MYO18A: variants seen among roughly 807,000 people sequenced by gnomAD.
MYO18A encodes the protein unconventional myosin-XVIIIa.
In MYO18A, 78 loss-of-function variants were observed where a neutral mutation model predicts 235.8. That is an observed-to-expected ratio of 0.33 (90% confidence interval 0.28 to 0.40). MYO18A has a LOEUF of 0.40. Ranked by LOEUF, MYO18A falls within the 10% of genes least tolerant of loss-of-function variation. The pLI, the probability that MYO18A is intolerant of heterozygous loss-of-function variation, is 1.00. For synonymous variants in MYO18A, 977 were observed against 1,077.8 expected (o/e 0.91, Z 1.83); for missense variants, 2,215 against 2,699.3 (o/e 0.82, Z 3.98).
rs1328573073 is a variant in MYO18A, at chr17:29,119,212, G to C, written c.1829+123C>G. The C allele has an allele frequency of 1.6e-5, 11 of 683,740 alleles. No homozygotes were observed. The East Asian group carries it at 3.0e-4, about 19-fold the overall frequency. The allele number at this position is 683,740 out of a possible 1,614,324, so 42.4% of individuals were successfully genotyped here. A position where few individuals can be genotyped will look rare whatever the true frequency, so the allele number is the denominator to read the frequency against. ...TCAGAGCCTAGCACATAGCAGACAT[G>C]CACTGACCAAACAGTGCAGGATGCG... On this transcript the variant is annotated intron_variant, in intron 8 of 41. Coordinates refer to ENST00000527372, the MANE Select transcript of MYO18A (RefSeq NM_078471.4).
intron 15 of MYO18A, among the ~76,000 whole-genome samples, chr17:29,112,377 C>A (rs567689050): frequency 6.6e-6 from 1 of 152,330 alleles, no homozygotes; most frequent in East Asian, 1.9e-4. Context: ...GGGATCACTG[C>A]AGGGTCACTC....
rs759561576 is a variant in MYO18A, at chr17:29,111,613, G to A, written c.2741-30C>T. On this transcript the variant is annotated intron_variant, in intron 16 of 41. Coordinates refer to ENST00000527372, the MANE Select transcript of MYO18A (RefSeq NM_078471.4). This position sits in a 1 kb window ranked among gnomAD's most constrained non-coding sequence, Gnocchi z 5.1. ...TGGTGGGAGAAGCAAGATTTAGGTC[G>A]TCAGGGTACAGGCACAAAGTGACCC... is the stretch of plus-strand genomic sequence containing the variant. 2.9e-5 allele frequency: 46 copies of A among 1,613,352 alleles called. No homozygotes were observed. The highest frequency in any genetic ancestry group is 6.7e-5 in the East Asian group (3 of 44,880).
chr17:29,111,456 C>T lies in MYO18A; in HGVS notation c.2868G>A (p.Gln956=). Residue 956 remains glutamine (Q), a synonymous_variant, in exon 17 of 42, where the codon CAG becomes CAA. Coordinates refer to ENST00000527372, the MANE Select transcript of MYO18A (RefSeq NM_078471.4). This position sits in a 1 kb window ranked among gnomAD's most constrained non-coding sequence, Gnocchi z 5.1. ...LNYTKQNPAT[Q]NAPRLLQDSQ... ...AGTCCTGCAGGAGCCGGGGGGCATT[C>T]TGGGTGGCTGGGTTCTGCTTGGTGT... 1.2e-6 allele frequency: 2 copies of T among 1,612,258 alleles called. No homozygotes were observed. Among genetic ancestry groups the T allele is most frequent in the Non-Finnish European group, 1.7e-6 (2 of 1,179,266 alleles).
chr17:29,075,255 T>C (rs1303447731), intron 41 of MYO18A: 4 of 235,236 alleles, frequency 1.7e-5, no homozygotes, highest in Non-Finnish European at 3.7e-5. Context: ...TTTTCAGTCC[T>C]TCCCCAGAAG....
In MYO18A at chr17:29,075,161, A is replaced by G. The variant is rs77571431; in HGVS notation, c.6021-247T>C. ...CAGTGAGTCTCGGACTCAAGCGTGC[A>G]TAAGAATCTGATGCAGGTTCCTGGG... is the stretch of plus-strand genomic sequence containing the variant. On this transcript the variant is annotated intron_variant, in intron 41 of 41. Transcript: ENST00000527372. The G allele has an allele frequency of 3.0e-4, 134 of 444,050 alleles. No homozygotes were observed. In the East Asian group the frequency reaches 4.4e-3, roughly 15 times the overall value. 27.5% of individuals were successfully genotyped at this position (444,050 alleles called of 1,614,324 possible).
intron 21 of MYO18A, among the ~76,000 whole-genome samples, chr17:29,102,575 G>C (rs1159317554): frequency 6.6e-6 from 1 of 152,206 alleles, no homozygotes; most frequent in Middle Eastern, 3.2e-3. Flanking sequence ...AAGACACAGA[G>C]AACAAGGAGA....
At position 29,109,726 on chromosome 17, in the gene MYO18A, C is replaced by A; in HGVS notation, c.3331+132G>T. 8.4e-7 allele frequency: 1 copy of A among 1,187,418 alleles called. No individual in the cohort carries two copies. The highest frequency in any genetic ancestry group is 1.5e-5 in the South Asian group (1 of 66,412). 73.6% of individuals were successfully genotyped at this position (1,187,418 alleles called of 1,614,324 possible). On this transcript the variant is annotated intron_variant, in intron 19 of 41. Coordinates refer to ENST00000527372, the MANE Select transcript of MYO18A (RefSeq NM_078471.4). The surrounding 1 kb of genome is among the most constrained non-coding windows in gnomAD (Gnocchi z 4.1). ...TGGGCTGGGAGAGATGAGGAGAGAC[C>A]AGAGCAGAAAGGATCGTGAGGAAAG...
intron 2 of MYO18A, among the ~76,000 whole-genome samples, chr17:29,132,371 C>A (rs2067493120): frequency 6.6e-6 from 1 of 152,244 alleles, no homozygotes; most frequent in African/African-American, 2.4e-5. Flanking sequence ...TCACCAGTAT[C>A]TCTCCCTCCA....
At chr17:29,150,905 T>C (rs1469297650) in intron 2 of MYO18A, among the ~76,000 whole-genome samples, 1 of 152,086 alleles carries the variant, frequency 6.6e-6, no homozygotes, top group Non-Finnish European at 1.5e-5. Flanking sequence ...ATGAAGTTGG[T>C]TGGAAGGGCT....
rs1283008559 is a variant in MYO18A, at chr17:29,118,345, G to T, written c.1893+32C>A. On this transcript the variant is annotated intron_variant, in intron 9 of 41. Transcript: ENST00000527372. The surrounding 1 kb of genome is among the most constrained non-coding windows in gnomAD (Gnocchi z 4.2). ...GGCTTCTCCTACCCCCAAGGCCCAGGGCTGGCAACCCAGACCCCACAGACC... is the reference window on the plus strand; with the variant it reads ...GGCTTCTCCTACCCCCAAGGCCCAGTGCTGGCAACCCAGACCCCACAGACC... 1 of 1,590,542 alleles carries T rather than the reference G, an allele frequency of 6.3e-7. No homozygotes were observed. Among genetic ancestry groups the T allele is most frequent in the African/African-American group, 1.3e-5 (1 of 74,462 alleles).
chr17:29,127,718 G>A, intron 2 of MYO18A: 2 of 354,698 alleles, frequency 5.6e-6, no homozygotes, highest in Non-Finnish European at 7.9e-6. Context: ...CCGGCCATCA[G>A]CACACGACCC....
At chr17:29,172,958 T>C (rs148959300) in intron 1 of MYO18A, among the ~76,000 whole-genome samples, 51 of 152,286 alleles carry the variant, frequency 3.3e-4, no homozygotes, top group African/African-American at 1.2e-3. Context: ...GGTATACTAT[T>C]TTCAATTAGC....
rs2066419749 is a variant in MYO18A at position 29,092,445 on chromosome 17, T to C, written c.5085A>G (p.Ser1695=). The stretch of plus-strand genomic sequence containing the variant: ...TCACGGCTGCCGCACAGGTGAACTC[T>C]GACTCCTCCAGCTGGACACAGACCA... ...IAQLKNQLEE[S]EFTCAAAVKA... is the part of the protein sequence containing the mutation. The change falls in exon 34 of 42, where the codon TCA becomes TCG. Residue 1695 remains serine, a synonymous_variant. Coordinates refer to ENST00000527372, the MANE Select transcript of MYO18A (RefSeq NM_078471.4). 6.2e-7 allele frequency: 1 copy of C among 1,611,584 alleles called. No homozygotes were observed. Among genetic ancestry groups the C allele is most frequent in the Non-Finnish European group, 8.5e-7 (1 of 1,179,658 alleles).
Position 29,072,148 on chromosome 17 carries a change from T to C in MYO18A, c.*2622A>G, listed in dbSNP as rs1439106098. On this transcript the variant is annotated 3_prime_UTR_variant, in exon 42 of 42. Coordinates refer to ENST00000527372, the MANE Select transcript of MYO18A (RefSeq NM_078471.4). ...TAGAAACAGAAAATGTACCACGCTA[T>C]GTGAAAACAGGAATAAAAGATGAGA... 1 of 150,360 alleles carries C rather than the reference T, an allele frequency of 6.7e-6. No homozygotes were observed. The highest frequency in any genetic ancestry group is 1.5e-5 in the Non-Finnish European group (1 of 67,888). The allele number at this position is 150,360 out of a possible 1,614,324, so 9.3% of individuals were successfully genotyped here. A position where few individuals can be genotyped will look rare whatever the true frequency, so the allele number is the denominator to read the frequency against.
At chr17:29,164,695 T>A (rs1192453012) in intron 2 of MYO18A, among the ~76,000 whole-genome samples, 1 of 152,120 alleles carries the variant, frequency 6.6e-6, no homozygotes, top group Admixed American at 6.5e-5. Context: ...CCAGAGGTGG[T>A]CACTTGTCCT....
At chr17:29,105,308 G>A (rs2066757305) in intron 20 of MYO18A, among the ~76,000 whole-genome samples, 1 of 152,122 alleles carries the variant, frequency 6.6e-6, no homozygotes, top group Non-Finnish European at 1.5e-5. Context: ...GCAGCAGGAG[G>A]AAAGCCCAGG....
chr17:29,092,567 A>G, intron 33 of MYO18A, 111 bp from the exon 34 acceptor site: 2 of 909,612 alleles, frequency 2.2e-6, no homozygotes, highest in Non-Finnish European at 1.7e-6. Flanking sequence ...TCCTCCATTC[A>G]CTTCAGACCC....
intron 1 of MYO18A, among the ~76,000 whole-genome samples, chr17:29,172,435 A>C (rs1185687216): frequency 6.6e-6 from 1 of 152,022 alleles, no homozygotes; most frequent in Non-Finnish European, 1.5e-5. Context: ...ACTGCACTCC[A>C]GCCTGGGCGA....
Position 29,115,729 on chromosome 17 carries a change from C to T in MYO18A, c.2162G>A (p.Gly721Asp). The change falls in exon 12 of 42, where the codon GGC (glycine) becomes GAC (aspartate). Residue 721 changes from glycine to aspartate, a missense_variant. By Grantham distance (94) the Gly-to-Asp change is moderately conservative (BLOSUM62 -1). Coordinates refer to ENST00000527372, the MANE Select transcript of MYO18A (RefSeq NM_078471.4). ...SAIFKHQHKG[G>D]TLQRSTSFRQ... ...GAAGGAGGTGGAGCGCTGCAGGGTGCCACCCTTGTGCTGGTGCTTGAAGAT... is the reference window on the plus strand; with the variant it reads ...GAAGGAGGTGGAGCGCTGCAGGGTGTCACCCTTGTGCTGGTGCTTGAAGAT... The T allele has an allele frequency of 1.2e-6, 2 of 1,603,688 alleles. No homozygotes were observed. Among genetic ancestry groups the T allele is most frequent in the East Asian group, 2.2e-5 (1 of 44,504 alleles).
Sources: gnomAD v4.1 joint callset for allele counts (sites outside exome capture counted in the v4.1 genomes callset) on GRCh38, gnomAD v4.1.1 for gene constraint, Gnocchi (gnomAD v3.1) non-coding constraint, MANE v1.5 for transcripts, NCBI Gene and HGNC (gene_info 2026-07-23, HGNC 2026-07-21) for gene names.